Variants in C4orf51 observed in about 807,000 individuals in gnomAD.
C4orf51 encodes the protein chromosome 4 open reading frame 51, also known as uncharacterized protein C4orf51.
A neutral mutation model predicts 25.2 loss-of-function variants in C4orf51; 25 were observed. The ratio of observed to expected loss-of-function variants is 0.99; its 90% confidence interval spans 0.72 to 1.39. The LOEUF (loss-of-function observed/expected upper bound fraction) is 1.39. Ranked by LOEUF, C4orf51 falls within the 40% of genes most tolerant of loss-of-function variation. The pLI is 0.00. For missense variants in C4orf51, 252 were observed against 239.6 expected, an observed-to-expected ratio of 1.05 and a Z score of -0.34; for synonymous variants, 100 against 84.5, an observed-to-expected ratio of 1.18 and a Z score of -1.01.
At chr4:145,696,132 C>T (rs1730033745) in intron 1 of C4orf51, among the ~76,000 whole-genome samples, 1 of 152,026 alleles carries the variant, frequency 6.6e-6, no homozygotes, top group Non-Finnish European at 1.5e-5. Flanking sequence ...CTTGGTGGTG[C>T]GTGCCTGTAG....
the C4orf51 span, among the ~76,000 whole-genome samples, chr4:145,781,194 T>G: frequency 1.5e-4 from 2 of 13,138 alleles, no homozygotes; most frequent in African/African-American, 3.8e-4. Context: ...AGACACCATC[T>G]CAAAAAAAAA....
intron 2 of C4orf51, among the ~76,000 whole-genome samples, chr4:145,725,077 A>G (rs887648088): frequency 3.9e-5 from 6 of 151,938 alleles, no homozygotes; most frequent in Admixed American, 3.3e-4. Context: ...ACACTTGGGT[A>G]CAGTGTACAC....
intron 2 of C4orf51, among the ~76,000 whole-genome samples, chr4:145,709,926 G>T (rs776376978): frequency 6.6e-6 from 1 of 152,150 alleles, no homozygotes; most frequent in Non-Finnish European, 1.5e-5. Context: ...CATTCTGGGG[G>T]TTGGTTAGTA....
At chr4:145,698,486 A>G (rs1487615817) in intron 2 of C4orf51, among the ~76,000 whole-genome samples, 1 of 152,266 alleles carries the variant, frequency 6.6e-6, no homozygotes, top group Non-Finnish European at 1.5e-5. Flanking sequence ...GATTTTATCT[A>G]AAGACCTGGA....
chr4:145,705,024 T>G (rs1388292594), intron 2 of C4orf51, among the ~76,000 whole-genome samples: 3 of 152,234 alleles, frequency 2.0e-5, no homozygotes, highest in Non-Finnish European at 4.4e-5. Flanking sequence ...CCTTCTCCCC[T>G]GTTTCTTCCC....
chr4:145,734,375 C>T (rs570107755), downstream of C4orf51, among the ~76,000 whole-genome samples: 21 of 132,630 alleles, frequency 1.6e-4, no homozygotes, highest in African/African-American at 5.6e-4. Flanking sequence ...GGGAAGGTCA[C>T]GTGGCTGATG....
intron 1 of C4orf51, among the ~76,000 whole-genome samples, chr4:145,769,405 A>G (rs77355430): frequency 0.048 from 7,312 of 152,244 alleles, 575 homozygotes; most frequent in African/African-American, 0.17. Flanking sequence ...TCTAATATTC[A>G]CCTGTTGCAA....
chr4:145,748,641 G>A (rs1423393835), intron 1 of C4orf51, among the ~76,000 whole-genome samples: 2 of 151,986 alleles, frequency 1.3e-5, no homozygotes, highest in Admixed American at 6.6e-5. Flanking sequence ...TTGACGCACC[G>A]ACCATTCAGA....
chr4:145,754,551 C>A (rs989903207), downstream of C4orf51, among the ~76,000 whole-genome samples: 1 of 152,170 alleles, frequency 6.6e-6, no homozygotes, highest in Non-Finnish European at 1.5e-5. Flanking sequence ...ACTCATCAAA[C>A]CAGATCAAAC....
intron 1 of C4orf51, among the ~76,000 whole-genome samples, chr4:145,737,881 G>T (rs1732886993): frequency 6.6e-6 from 1 of 152,118 alleles, no homozygotes. Context: ...AGTTTATCCT[G>T]CTTGGTAATG....
downstream of C4orf51, among the ~76,000 whole-genome samples, chr4:145,733,003 C>T (rs761081142): frequency 5.9e-5 from 9 of 152,324 alleles, no homozygotes; most frequent in Non-Finnish European, 1.2e-4. Context: ...CGCAAGGCGC[C>T]GCCGGGAAGC....
intron 1 of C4orf51, among the ~76,000 whole-genome samples, chr4:145,685,546 A>T (rs1729100407): frequency 1.3e-5 from 2 of 152,178 alleles, no homozygotes; most frequent in African/African-American, 4.8e-5. Context: ...AGCAGCGGGT[A>T]ACGTGACTGG....
chr4:145,750,157 A>G lies in C4orf51; in HGVS notation n.168-4050A>G, dbSNP rs575654228. 3.2e-4 allele frequency among the ~76,000 whole-genome samples: 48 copies of G among 152,278 alleles called. 1 individual carries two copies. In the South Asian group the frequency reaches 9.3e-3, roughly 30 times the overall value. On this transcript the variant is annotated intron_variant and non_coding_transcript_variant, in intron 1 of 1. Transcript: ENST00000508981. ...AGTCTATTTAATATGAGAATAGTTTACATATCAGTTACAGAGTTATAATAT... is the reference window on the plus strand; with the variant it reads ...AGTCTATTTAATATGAGAATAGTTTGCATATCAGTTACAGAGTTATAATAT...
At chr4:145,748,777 A>G (rs6824175) in intron 1 of C4orf51, among the ~76,000 whole-genome samples, 29,206 of 151,906 alleles carry the variant, frequency 0.19, 3,795 homozygotes, top group East Asian at 0.67. Flanking sequence ...TGTTTGTTTC[A>G]TGAACTAACA....
intron 1 of C4orf51, among the ~76,000 whole-genome samples, chr4:145,684,202 G>T (rs1729000667): frequency 6.6e-6 from 1 of 152,074 alleles, no homozygotes; most frequent in African/African-American, 2.4e-5. Flanking sequence ...TGTCCCACTG[G>T]CCGGGCACGG....
chr4:145,690,349 C>T (rs1381148297), intron 1 of C4orf51, among the ~76,000 whole-genome samples: 2 of 145,444 alleles, frequency 1.4e-5, no homozygotes, highest in Non-Finnish European at 3.0e-5. Context: ...ACTAAAAATA[C>T]AAAAAATTAG....
At chr4:145,734,078 G>A (rs1312505789), downstream of C4orf51, among the ~76,000 whole-genome samples, 1 of 152,194 alleles carries the variant, frequency 6.6e-6, no homozygotes, top group Non-Finnish European at 1.5e-5. Context: ...TTACAGATAG[G>A]TTGCAACAGT....
chr4:145,786,801 G>A, the C4orf51 span, among the ~76,000 whole-genome samples: 16 of 152,298 alleles, frequency 1.1e-4, no homozygotes, highest in East Asian at 1.3e-3. Context: ...CTTGCAGCTC[G>A]TCTGTATCCC....
At chr4:145,727,895 G>GTATGTATA (rs1732158669) in intron 3 of C4orf51, among the ~76,000 whole-genome samples, 1 of 101,638 alleles carries the variant, frequency 9.8e-6, no homozygotes, top group Non-Finnish European at 1.8e-5. Context: ...AAAAAAATGT[G>GTATGTATA]TATATATATA....
Sources: gnomAD v4.1 joint callset for allele counts (sites outside exome capture counted in the v4.1 genomes callset) on GRCh38, gnomAD v4.1.1 for gene constraint, MANE v1.5 for transcripts, NCBI Gene and HGNC (gene_info 2026-07-23, HGNC 2026-07-21) for gene names.